GALNT2: variants seen among roughly 807,000 people sequenced by gnomAD.
GALNT2 encodes UDP-GalNAc:polypeptide N-acetylgalactosaminyltransferase 2.
Under a neutral mutation model 81.4 loss-of-function variants are expected in GALNT2, and 31 were observed. The ratio of observed to expected loss-of-function variants is 0.38; its 90% confidence interval spans 0.29 to 0.51. The LOEUF (loss-of-function observed/expected upper bound fraction) is 0.51. Ranked by LOEUF, GALNT2 falls within the 20% of genes least tolerant of loss-of-function variation. The pLI, the probability that GALNT2 is intolerant of heterozygous loss-of-function variation, is 0.87. For missense variants in GALNT2, 629 were observed against 765.7 expected, an observed-to-expected ratio of 0.82 and a Z score of 2.11; for synonymous variants, 303 against 287.4, an observed-to-expected ratio of 1.05 and a Z score of -0.55.
chr1:230,119,124 C>T (rs1289653778), intron 1 of GALNT2, among the ~76,000 whole-genome samples: 2 of 152,180 alleles, frequency 1.3e-5, no homozygotes, highest in African/African-American at 2.4e-5. Context: ...AAATGTTATA[C>T]CTGTATTTAT....
chr1:230,060,714 C>T lies in GALNT2; in HGVS notation n.89+2636C>T, dbSNP rs374544699. ...ACTGCGATGGTTGTAAGATGGTGAT[C>T]CACTCTTCCCTGAATGTCTATCAGT... On this transcript the variant is annotated intron_variant and non_coding_transcript_variant, in intron 1 of 6. Coordinates refer to the GALNT2 transcript ENST00000494106. Among the ~76,000 whole-genome samples the T allele has an allele frequency of 2.0e-5, 3 of 152,288 alleles. No individual in the cohort carries two copies. The East Asian group carries it at 5.8e-4, about 29-fold the overall frequency.
Position 230,067,390 on chromosome 1 carries a change from G to C in GALNT2, c.110G>C (p.Gly37Ala). Residue 37 changes from glycine to alanine, a missense_variant, in exon 1 of 16, where the codon GGC becomes GCC. Physicochemically the swap from Gly to Ala is moderately conservative, Grantham distance 60. This residue lies in a region of GALNT2 where 360 missense variants were observed against 492.8 expected (regional missense o/e 0.73). Coordinates refer to ENST00000366672, the MANE Select transcript of GALNT2 (RefSeq NM_004481.5). ...TCTGCGCTGGCCGGGGGCGCGGGCG[G>C]CGGCGCCGGCAGGAAGGTGAGTGGA... ...GGSALAGGAGGGAGRKEDWNE... is the reference protein window; with the variant it reads ...GGSALAGGAGAGAGRKEDWNE... 3 of 1,263,934 alleles carry C rather than the reference G, an allele frequency of 2.4e-6. No individual in the cohort carries two copies. The highest frequency in any genetic ancestry group is 3.0e-6 in the Non-Finnish European group (3 of 998,534). 78.3% of individuals were successfully genotyped at this position (1,263,934 alleles called of 1,614,324 possible).
chr1:230,122,926 C>T (rs935793040), intron 1 of GALNT2, among the ~76,000 whole-genome samples: 3 of 152,106 alleles, frequency 2.0e-5, no homozygotes, highest in African/African-American at 4.8e-5. Context: ...TGAAGTGTCC[C>T]GCATCCCCTT....
Position 230,198,040 on chromosome 1 carries a change from C to T in GALNT2, c.221-5097C>T, listed in dbSNP as rs187498060. Reference sequence around the variant, plus strand: ...GCAAGACCACAGCACGTCTCATATGCGGCTGTATCGGCACGCAGCGATGAG... The same window carrying T: ...GCAAGACCACAGCACGTCTCATATGTGGCTGTATCGGCACGCAGCGATGAG... On this transcript the variant is annotated intron_variant, in intron 2 of 15. Transcript: ENST00000366672. 3.4e-4 allele frequency among the ~76,000 whole-genome samples: 52 copies of T among 152,326 alleles called. 1 individual carries two copies. Among genetic ancestry groups the T allele is most frequent in the Admixed American group, 3.3e-3 (51 of 15,308 alleles).
In GALNT2 at chr1:230,271,392, C is replaced by T. The variant is rs560786003; in HGVS notation, c.1441-3053C>T. On this transcript the variant is annotated intron_variant, in intron 14 of 15. Coordinates refer to ENST00000366672, the MANE Select transcript of GALNT2 (RefSeq NM_004481.5). This position sits in a 1 kb window ranked among gnomAD's most constrained non-coding sequence, Gnocchi z 4.2. The stretch of plus-strand genomic sequence containing the variant: ...TGACACCAGCCCTGTGGGCTTTTCC[C>T]CCCACACCAAGCAATTCTCCAATTC... Among the ~76,000 whole-genome samples the T allele has an allele frequency of 6.6e-6, 1 of 152,338 alleles. No individual in the cohort carries two copies. Among genetic ancestry groups the T allele is most frequent in the Admixed American group, 6.5e-5 (1 of 15,294 alleles).
At chr1:230,233,255 ATAT>A (rs1664922708) in intron 3 of GALNT2, among the ~76,000 whole-genome samples, 1 of 152,184 alleles carries the variant, frequency 6.6e-6, no homozygotes, top group Non-Finnish European at 1.5e-5. Flanking sequence ...CCCATCTGAG[ATAT>A]TATCTCTAAT....
intron 1 of GALNT2, among the ~76,000 whole-genome samples, chr1:230,123,380 G>C (rs1488853715): frequency 6.6e-6 from 1 of 152,216 alleles, no homozygotes; most frequent in Non-Finnish European, 1.5e-5. Flanking sequence ...TTTGAATGAT[G>C]ACAGCATCAT....
At chr1:230,210,784 C>T (rs1664210191) in intron 3 of GALNT2, among the ~76,000 whole-genome samples, 2 of 152,156 alleles carry the variant, frequency 1.3e-5, no homozygotes. Flanking sequence ...AGAGGGCAGA[C>T]ATTGAAGGCC....
At chr1:230,262,143 G>A (rs1665895002) in intron 11 of GALNT2, 1 of 161,026 alleles carries the variant, frequency 6.2e-6, no homozygotes, top group South Asian at 1.9e-4. Context: ...TCGTAGCCGT[G>A]ACGGAGAAGG....
intron 2 of GALNT2, among the ~76,000 whole-genome samples, chr1:230,186,635 C>G (rs1000294084): frequency 6.6e-6 from 1 of 152,192 alleles, no homozygotes; most frequent in Non-Finnish European, 1.5e-5. Flanking sequence ...GAAAAGCCAT[C>G]TTCAGGTCAT....
At chr1:230,097,648 A>G (rs955664601) in intron 1 of GALNT2, among the ~76,000 whole-genome samples, 17 of 152,160 alleles carry the variant, frequency 1.1e-4, no homozygotes, top group African/African-American at 4.1e-4. Flanking sequence ...TTGTATATCC[A>G]TTTATCTGTC....
At chr1:230,062,324 A>G (rs1157626059), upstream of GALNT2, among the ~76,000 whole-genome samples, 1 of 152,224 alleles carries the variant, frequency 6.6e-6, no homozygotes, top group Admixed American at 6.5e-5. Flanking sequence ...TGTTGTGGAA[A>G]TAATTTCTCC....
At position 230,279,378 on chromosome 1, in the gene GALNT2, A is replaced by G; in HGVS notation, c.1636A>G (p.Lys546Glu). ...SNLCLDSRTA[K>E]SGGLSVEVCG... ...CCTGTGCCTGGACAGTCGCACGGCC[A>G]AGAGCGGGGGCCTAAGCGTGGAGGT... is the stretch of plus-strand genomic sequence containing the variant. The change falls in exon 16 of 16, where the codon AAG becomes GAG. Residue 546 changes from lysine to glutamate, a missense_variant. Physicochemically the swap from Lys to Glu is moderately conservative, Grantham distance 56. Around this residue, in one of 3 missense-constraint regions of GALNT2, gnomAD observed 207 missense variants for 225.5 expected, o/e 0.92. Coordinates refer to ENST00000366672, the MANE Select transcript of GALNT2 (RefSeq NM_004481.5). This position sits in a 1 kb window ranked among gnomAD's most constrained non-coding sequence, Gnocchi z 4.6. The G allele has an allele frequency of 6.2e-7, 1 of 1,614,142 alleles. No homozygotes were observed. The highest frequency in any genetic ancestry group is 8.5e-7 in the Non-Finnish European group (1 of 1,180,022).
chr1:230,178,812 C>T (rs1031538102), intron 2 of GALNT2, among the ~76,000 whole-genome samples: 5 of 152,050 alleles, frequency 3.3e-5, no homozygotes, highest in East Asian at 1.9e-4. Context: ...GGTTCACTCT[C>T]GATGTTACAC....
At chr1:230,096,009 C>G (rs1313188510) in intron 1 of GALNT2, among the ~76,000 whole-genome samples, 2 of 152,200 alleles carry the variant, frequency 1.3e-5, no homozygotes, top group African/African-American at 4.8e-5. Context: ...GGAATGGCAC[C>G]CGGAACTCCT....
chr1:230,233,063 G>A (rs1376859472), intron 3 of GALNT2, among the ~76,000 whole-genome samples: 2 of 152,114 alleles, frequency 1.3e-5, no homozygotes, highest in African/African-American at 2.4e-5. Flanking sequence ...AAGTAGTCAC[G>A]AGGGAAAACG....
chr1:230,202,537 C>T (rs1663922469), intron 2 of GALNT2, among the ~76,000 whole-genome samples: 1 of 152,180 alleles, frequency 6.6e-6, no homozygotes, highest in African/African-American at 2.4e-5. Flanking sequence ...AATGGCCAGG[C>T]CCCTGCTGTG....
At chr1:230,126,271 G>A (rs771079826) in intron 1 of GALNT2, among the ~76,000 whole-genome samples, 8 of 152,172 alleles carry the variant, frequency 5.3e-5, no homozygotes, top group Non-Finnish European at 1.2e-4. Flanking sequence ...GGAGACACAG[G>A]CAGGGCCAGT....
intron 1 of GALNT2, among the ~76,000 whole-genome samples, chr1:230,160,290 G>C (rs1342428543): frequency 6.6e-6 from 1 of 152,208 alleles, no homozygotes; most frequent in Non-Finnish European, 1.5e-5. Flanking sequence ...TGTGCTGACT[G>C]TTGACCACTA....
Sources: gnomAD v4.1 joint callset for allele counts (sites outside exome capture counted in the v4.1 genomes callset) on GRCh38, gnomAD v4.1.1 for gene constraint, gnomAD v4.1.1 regional missense constraint, Gnocchi (gnomAD v3.1) non-coding constraint, MANE v1.5 for transcripts, NCBI Gene and HGNC (gene_info 2026-07-23, HGNC 2026-07-21) for gene names.